Variants in SGCB observed in about 807,000 individuals in gnomAD.
The protein encoded by SGCB is beta-sarcoglycan.
SGCB carries 25 observed loss-of-function variants against 27.3 expected under a neutral mutation model. The ratio of observed to expected loss-of-function variants is 0.92; its 90% CI spans 0.67 to 1.28. The LOEUF is 1.28. Ranked by LOEUF, SGCB falls within the 50% of genes most tolerant of loss-of-function variation. The probability of loss-of-function intolerance (pLI) is 0.00; values close to 1 mark genes in which losing one functional copy is unlikely to be tolerated. For synonymous variants in SGCB, 147 were observed against 133.5 expected, an observed-to-expected ratio of 1.10 and a Z score of -0.70; for missense variants, 436 against 402.1, an observed-to-expected ratio of 1.08 and a Z score of -0.72.
Position 52,026,334 on chromosome 4 carries a change from C to T in SGCB, c.753+1634G>A, listed in dbSNP as rs532375551. On this transcript the variant is annotated intron_variant, in intron 5 of 5. Coordinates refer to ENST00000381431, the MANE Select transcript of SGCB (RefSeq NM_000232.5). Reference sequence around the variant, plus strand: ...AGTGCAGTGGCGCGATCTGGGTTCACTGCAATCTCTGCCTCCTGGTTTCAA... The same window carrying T: ...AGTGCAGTGGCGCGATCTGGGTTCATTGCAATCTCTGCCTCCTGGTTTCAA... Among the ~76,000 whole-genome samples the T allele has an allele frequency of 2.5e-4, 34 of 135,564 alleles. No homozygotes were observed. In the South Asian group the frequency reaches 8.8e-3, roughly 35 times the overall value. 88.9% of individuals were successfully genotyped at this position (135,564 alleles called of 152,430 possible).
chr4:52,025,921 G>A (rs1737077658), intron 5 of SGCB, among the ~76,000 whole-genome samples: 1 of 152,158 alleles, frequency 6.6e-6, no homozygotes, highest in Non-Finnish European at 1.5e-5. Flanking sequence ...ATGCTTGTGG[G>A]GATGGAGAAT....
In SGCB at chr4:52,022,135, A is replaced by G. The variant is rs982211929; in HGVS notation, c.*1822T>C. The stretch of plus-strand genomic sequence containing the variant: ...ACTGAATATATTCAAATGAGTTCAA[A>G]TATCACTGCAATAACACTCAAGTGG... On this transcript the variant is annotated 3_prime_UTR_variant, in exon 6 of 6. Transcript: ENST00000381431. 6.6e-6 allele frequency: 1 copy of G among 152,240 alleles called. No homozygotes were observed. Among genetic ancestry groups the G allele is most frequent in the African/African-American group, 2.4e-5 (1 of 41,468 alleles). 9.4% of individuals were successfully genotyped at this position (152,240 alleles called of 1,614,324 possible).
chr4:52,026,726 T>C (rs1737106810), intron 5 of SGCB, among the ~76,000 whole-genome samples: 1 of 152,346 alleles, frequency 6.6e-6, no homozygotes, highest in South Asian at 2.1e-4. Flanking sequence ...AACTGATATG[T>C]GTATATGTAT....
rs1405355630 is a variant in SGCB, at chr4:52,022,881, T to A, written c.*1076A>T. The A allele has an allele frequency of 6.6e-6, 1 of 152,226 alleles. No homozygotes were observed. The highest frequency in any genetic ancestry group is 2.4e-5 in the African/African-American group (1 of 41,474). 9.4% of individuals were successfully genotyped at this position (152,226 alleles called of 1,614,324 possible). On this transcript the variant is annotated 3_prime_UTR_variant, in exon 6 of 6. Transcript: ENST00000381431. ...ATTTTGGAATTGGCCCAACATAGCT[T>A]ACAATCGGACAGTGATTGGTCCTTT... is the stretch of plus-strand genomic sequence containing the variant.
intron 5 of SGCB, 72 bp from the exon 6 acceptor site, chr4:52,024,232 T>G (rs1475350770): frequency 1.0e-5 from 12 of 1,153,976 alleles, no homozygotes; most frequent in Admixed American, 1.9e-5. Context: ...TAAACAAAAC[T>G]TCCTGAAATA....
At chr4:52,028,492 C>T (rs757734626) in intron 4 of SGCB, among the ~76,000 whole-genome samples, 58 of 152,026 alleles carry the variant, frequency 3.8e-4, no homozygotes, top group African/African-American at 9.2e-4. Flanking sequence ...AAAACTTAGC[C>T]GGGCATGGTG....
chr4:52,036,764 G>A (rs748998153), intron 1 of SGCB, among the ~76,000 whole-genome samples: 1 of 152,188 alleles, frequency 6.6e-6, no homozygotes, highest in Non-Finnish European at 1.5e-5. Context: ...AAAAGAAAAT[G>A]TGGGGCTCAC....
At chr4:52,030,349 T>C (rs1048620332) in intron 2 of SGCB, among the ~76,000 whole-genome samples, 3 of 152,190 alleles carry the variant, frequency 2.0e-5, no homozygotes, top group Admixed American at 6.5e-5. Context: ...ATCTCTTTTC[T>C]TTTCCAGCTC....
Position 52,028,071 on chromosome 4 carries a change from T to C in SGCB, c.650A>G (p.Asn217Ser). 6.2e-7 allele frequency: 1 copy of C among 1,613,236 alleles called. No homozygotes were observed. Among genetic ancestry groups the C allele is most frequent in the Admixed American group, 1.7e-5 (1 of 60,020 alleles). ...AATAGCACGCCCATCAACTTTTATA[T>C]TTAAATCACTGGTAGCATTGCTGGT... ...RITSNATSDL[N>S]IKVDGRAIVR... The change falls in exon 5 of 6, where the codon AAT (asparagine) becomes AGT (serine). Residue 217 changes from asparagine to serine, a missense_variant. Asn to Ser is a conservative substitution (Grantham distance 46). Transcript: ENST00000381431.
At position 52,029,746 on chromosome 4, in the gene SGCB, G is replaced by T. The variant is rs764749125; in HGVS notation, c.361C>A (p.Pro121Thr). The change falls in exon 3 of 6, where the codon CCT becomes ACT. Residue 121 changes from proline (P) to threonine (T), a missense_variant. Transcript: ENST00000381431. The part of the protein sequence containing the change: ...KQVSDMGVIH[P>T]LYKSTVGGRR... ...CCTCCTACTGTGCTTTTATAAAGAG[G>T]GTGGATCACTCCCATGTCAGATACT... 4 of 1,613,508 alleles carry T rather than the reference G, an allele frequency of 2.5e-6. No homozygotes were observed. The highest frequency in any genetic ancestry group is 3.3e-5 in the Admixed American group (2 of 59,982).
chr4:52,028,851 C>G lies in SGCB; in HGVS notation c.500G>C (p.Gly167Ala). The G allele has an allele frequency of 6.2e-7, 1 of 1,613,614 alleles. No homozygotes were observed. The highest frequency in any genetic ancestry group is 8.5e-7 in the Non-Finnish European group (1 of 1,179,610). ...AGTCCTCGGGTCAAAAAACTGCATG[C>G]CGATGTCACTTGTAATAGAAGTTTT... ...NNKTSITSDI[G>A]MQFFDPRTQN... The change falls in exon 4 of 6, where the codon GGC (glycine) becomes GCC (alanine). Residue 167 changes from glycine (G) to alanine (A), a missense_variant. By Grantham distance (60) the Gly-to-Ala change is moderately conservative (BLOSUM62 0). Coordinates refer to ENST00000381431, the MANE Select transcript of SGCB (RefSeq NM_000232.5).
intron 2 of SGCB, among the ~76,000 whole-genome samples, chr4:52,030,697 C>A (rs972861064): frequency 6.6e-6 from 1 of 152,166 alleles, no homozygotes; most frequent in Non-Finnish European, 1.5e-5. Flanking sequence ...GGGCCCCCTG[C>A]ACAGCTGTAA....
Position 52,024,146 on chromosome 4 carries a change from G to C in SGCB, c.768C>G (p.Ile256Met), listed in dbSNP as rs149121189. 30 of 1,613,496 alleles carry C rather than the reference G, an allele frequency of 1.9e-5. No individual in the cohort carries two copies. In the South Asian group the frequency reaches 3.2e-4, roughly 17 times the overall value. Residue 256 changes from isoleucine to methionine, a missense_variant, in exon 6 of 6, where the codon ATC (isoleucine) becomes ATG (methionine). Ile to Met is a conservative substitution (Grantham distance 10). Transcript: ENST00000381431. Reference sequence around the variant, plus strand: ...TGCTGACCATCACAGATCCATTTAGGATGATACTGTTTTCCTATTAGGAGA... The same window carrying C: ...TGCTGACCATCACAGATCCATTTAGCATGATACTGTTTTCCTATTAGGAGA... Reference protein sequence around the residue: ...NMELKAENSIILNGSVMVSTT... With the variant: ...NMELKAENSIMLNGSVMVSTT...
At chr4:52,028,189 G>T in intron 4 of SGCB, 90 bp from the exon 5 acceptor site, 2 of 1,033,780 alleles carry the variant, frequency 1.9e-6, no homozygotes, top group Non-Finnish European at 1.5e-6. Context: ...CTTCAGTCAT[G>T]AGAGATGAAA....
Position 52,028,032 on chromosome 4 carries a change from T to A in SGCB, c.689A>T (p.Glu230Val). 1.2e-6 allele frequency: 2 copies of A among 1,613,430 alleles called. No homozygotes were observed. The highest frequency in any genetic ancestry group is 2.2e-5 in the South Asian group (2 of 91,066). The change falls in exon 5 of 6, where the codon GAA becomes GTA. Residue 230 changes from glutamate (E) to valine (V), a missense_variant. Physicochemically the swap from Glu to Val is moderately radical, Grantham distance 121. Transcript: ENST00000381431. ...VDGRAIVRGN[E>V]GVFIMGKTIE... ...GGTTTTGCCCATAATGAATACACCT[T>A]CATTTCCACGCACAATAGCACGCCC...
In SGCB at chr4:52,028,041, C is replaced by T. The variant is rs762079028; in HGVS notation, c.680G>A (p.Arg227His). Residue 227 changes from arginine (R) to histidine (H), a missense_variant, in exon 5 of 6, where the codon CGT (arginine) becomes CAT (histidine). Physicochemically the swap from Arg to His is conservative, Grantham distance 29 (BLOSUM62 0). Coordinates refer to ENST00000381431, the MANE Select transcript of SGCB (RefSeq NM_000232.5). ...NIKVDGRAIV[R>H]GNEGVFIMGK... The stretch of plus-strand genomic sequence containing the variant: ...CATAATGAATACACCTTCATTTCCA[C>T]GCACAATAGCACGCCCATCAACTTT... 6.8e-5 allele frequency: 109 copies of T among 1,612,678 alleles called. 1 individual carries two copies. Among genetic ancestry groups the T allele is most frequent in the Middle Eastern group, 3.3e-4 (2 of 6,080 alleles).
chr4:52,032,063 C>A (rs1291767456), intron 2 of SGCB: 2 of 420,340 alleles, frequency 4.8e-6, no homozygotes, highest in Admixed American at 2.8e-5. Context: ...CTCCAGTATC[C>A]GCAGGCAGAT....
chr4:52,026,890 G>A (rs964690824), intron 5 of SGCB, among the ~76,000 whole-genome samples: 1 of 152,158 alleles, frequency 6.6e-6, no homozygotes, highest in South Asian at 2.1e-4. Context: ...AACAGCAGTT[G>A]TACTGTGGCT....
chr4:52,032,234 C>G (rs1737267598), intron 2 of SGCB, among the ~76,000 whole-genome samples: 1 of 152,130 alleles, frequency 6.6e-6, no homozygotes, highest in Admixed American at 6.5e-5. Flanking sequence ...GTTCTTGCCT[C>G]ACTTCTGCTT....
Sources: gnomAD v4.1 joint callset for allele counts (sites outside exome capture counted in the v4.1 genomes callset) on GRCh38, gnomAD v4.1.1 for gene constraint, MANE v1.5 for transcripts, NCBI Gene and HGNC (gene_info 2026-07-23, HGNC 2026-07-21) for gene names.